The following IRAK2 variants were observed in gnomAD, a reference collection of about 807,000 sequenced individuals.
IRAK2 encodes the protein interleukin 1 receptor associated kinase 2.
IRAK2 carries 57 observed loss-of-function variants against 72.0 expected under a neutral mutation model. That is an observed-to-expected ratio of 0.79 (90% confidence interval 0.64 to 0.99). IRAK2 has a LOEUF of 0.99. Ranked by LOEUF, IRAK2 falls within the 50% of genes least tolerant of loss-of-function variation. The pLI, the probability that IRAK2 is intolerant of heterozygous loss-of-function variation, is 0.00. For synonymous variants in IRAK2, 293 were observed against 312.7 expected, an observed-to-expected ratio of 0.94 and a Z score of 0.67; for missense variants, 790 against 794.4, an observed-to-expected ratio of 0.99 and a Z score of 0.07.
intron 2 of IRAK2, among the ~76,000 whole-genome samples, chr3:10,179,578 T>C (rs1696930522): frequency 6.6e-6 from 1 of 152,006 alleles, no homozygotes. Flanking sequence ...GGACCACAGA[T>C]ACCCACCACC....
intron 1 of IRAK2, among the ~76,000 whole-genome samples, chr3:10,165,537 C>T (rs1351288508): frequency 6.6e-6 from 1 of 151,792 alleles, no homozygotes; most frequent in Non-Finnish European, 1.5e-5. Flanking sequence ...CTGTTGTTGC[C>T]CAGGCTGGAG....
chr3:10,173,417 T>G (rs1696826350), intron 1 of IRAK2, among the ~76,000 whole-genome samples: 1 of 152,214 alleles, frequency 6.6e-6, no homozygotes, highest in Admixed American at 6.5e-5. Context: ...TCCCAAATAT[T>G]CTACGATGAC....
At chr3:10,171,105 C>A (rs73811839) in intron 1 of IRAK2, among the ~76,000 whole-genome samples, 2 of 152,296 alleles carry the variant, frequency 1.3e-5, no homozygotes, top group Middle Eastern at 6.8e-3. Context: ...TTCTTGTCTC[C>A]GTGATGGCAG....
At chr3:10,231,807 G>T (rs953356734) in intron 10 of IRAK2, among the ~76,000 whole-genome samples, 2 of 152,022 alleles carry the variant, frequency 1.3e-5, no homozygotes, top group Non-Finnish European at 2.9e-5. Context: ...GAACCACCAC[G>T]CCCGGGCATG....
intron 1 of IRAK2, among the ~76,000 whole-genome samples, chr3:10,170,816 C>G (rs1420512361): frequency 6.6e-6 from 1 of 152,240 alleles, no homozygotes; most frequent in African/African-American, 2.4e-5. Context: ...TACACTGGAT[C>G]AGAGCCAGCG....
intron 7 of IRAK2, among the ~76,000 whole-genome samples, chr3:10,217,910 G>A (rs981740583): frequency 7.2e-5 from 11 of 152,270 alleles, no homozygotes; most frequent in South Asian, 4.1e-4. Flanking sequence ...CCTCCAGGCC[G>A]TGCCACAACC....
chr3:10,221,248 A>ATTTTT (rs34742796), intron 8 of IRAK2, among the ~76,000 whole-genome samples: 10 of 89,708 alleles, frequency 1.1e-4, no homozygotes, highest in South Asian at 3.9e-4. Flanking sequence ...AAAAAAAAAA[A>ATTTTT]TTTTTTTTTT....
chr3:10,226,439 G>A lies in IRAK2; in HGVS notation c.1272+6G>A, dbSNP rs762060480. ...ACCGAAGCCCGGTTTACCTGGTAAG[G>A]GAACTTGTCACATCTGGCTGGGAGG... On this transcript the variant is annotated splice_donor_region_variant and intron_variant, in intron 10 of 12. Transcript: ENST00000256458. The A allele has an allele frequency of 9.9e-6, 16 of 1,612,218 alleles. No individual in the cohort carries two copies. The highest frequency in any genetic ancestry group is 1.4e-5 in the Non-Finnish European group (16 of 1,179,046).
At chr3:10,185,848 T>C (rs548485535) in intron 2 of IRAK2, among the ~76,000 whole-genome samples, 1 of 151,174 alleles carries the variant, frequency 6.6e-6, no homozygotes, top group South Asian at 2.1e-4. Flanking sequence ...CTGCACTCCA[T>C]CCTGGGCGAC....
intron 10 of IRAK2, among the ~76,000 whole-genome samples, chr3:10,229,544 C>T (rs1243629331): frequency 3.3e-5 from 5 of 152,208 alleles, no homozygotes. Context: ...TTTCTGTCCA[C>T]ATAGCTCTAT....
In IRAK2 at chr3:10,242,328, C is replaced by T. The variant is rs938541899; in HGVS notation, c.*100C>T. ...AGAATCCAAGATCTGCCAGGAAACA[C>T]ACAACAAAACATCTGCTGTCCTGGG... On this transcript the variant is annotated 3_prime_UTR_variant, in exon 13 of 13. Coordinates refer to ENST00000256458, the MANE Select transcript of IRAK2 (RefSeq NM_001570.4). The T allele has an allele frequency of 1.4e-5, 9 of 645,026 alleles. No homozygotes were observed. The African/African-American group carries it at 1.7e-4, about 12-fold the overall frequency. The allele number at this position is 645,026 out of a possible 1,614,324, so 40.0% of individuals were successfully genotyped here. A position where few individuals can be genotyped will look rare whatever the true frequency, so the allele number is the denominator to read the frequency against.
chr3:10,242,231 A>G lies in IRAK2; in HGVS notation c.*3A>G. On this transcript the variant is annotated 3_prime_UTR_variant, in exon 13 of 13. Transcript: ENST00000256458. ...GCATTGAGCTCTTTGGCCCCTGATG[A>G]CCGGAACACAGCTGAGGACCCTTGT... is the stretch of plus-strand genomic sequence containing the variant. 3 of 1,557,780 alleles carry G rather than the reference A, an allele frequency of 1.9e-6. No homozygotes were observed. Among genetic ancestry groups the G allele is most frequent in the Non-Finnish European group, 2.7e-6 (3 of 1,130,038 alleles).
intron 4 of IRAK2, among the ~76,000 whole-genome samples, chr3:10,212,473 C>G (rs985006882): frequency 6.6e-6 from 1 of 152,108 alleles, no homozygotes; most frequent in African/African-American, 2.4e-5. Context: ...AGTATCTATG[C>G]TGTGAATTAG....
At position 10,221,220 on chromosome 3, in the gene IRAK2, G is replaced by A. The variant is rs537905997; in HGVS notation, c.1014-1416G>A. Among the ~76,000 whole-genome samples, 217 of 140,678 alleles carry A rather than the reference G, an allele frequency of 1.5e-3. 1 individual carries two copies. The South Asian group carries it at 0.017, about 11-fold the overall frequency. 92.3% of individuals were successfully genotyped at this position (140,678 alleles called of 152,430 possible). A position where few individuals can be genotyped will look rare whatever the true frequency, so the allele number is the denominator to read the frequency against. On this transcript the variant is annotated intron_variant, in intron 8 of 12. Coordinates refer to ENST00000256458, the MANE Select transcript of IRAK2 (RefSeq NM_001570.4). ...ATCCTGGCTAACACGGTGAAACCTC[G>A]TCTCTACTAAAAATACCAAAAAAAA... is the stretch of plus-strand genomic sequence containing the variant.
intron 2 of IRAK2, among the ~76,000 whole-genome samples, chr3:10,194,234 C>A: frequency 6.6e-6 from 1 of 150,832 alleles, no homozygotes. Flanking sequence ...GAGCTTGGGT[C>A]TGGCTCAAGC....
intron 1 of IRAK2, among the ~76,000 whole-genome samples, chr3:10,172,951 T>C (rs927610063): frequency 4.6e-5 from 7 of 151,528 alleles, no homozygotes; most frequent in Admixed American, 4.6e-4. Context: ...AGTGCTGGGA[T>C]TACAGGCGTG....
chr3:10,171,795 TCA>T, intron 1 of IRAK2, among the ~76,000 whole-genome samples: 1 of 146,568 alleles, frequency 6.8e-6, no homozygotes, highest in African/African-American at 2.5e-5. Flanking sequence ...AGACGGAGTC[TCA>T]CTCTGTTGCC....
At chr3:10,191,119 C>T (rs1697168591) in intron 2 of IRAK2, among the ~76,000 whole-genome samples, 1 of 151,900 alleles carries the variant, frequency 6.6e-6, no homozygotes, top group South Asian at 2.1e-4. Context: ...ATGGTGATAC[C>T]CCGTCTCTAC....
intron 1 of IRAK2, among the ~76,000 whole-genome samples, chr3:10,170,514 C>T (rs757079048): frequency 2.0e-5 from 3 of 152,236 alleles, no homozygotes; most frequent in Admixed American, 6.5e-5. Flanking sequence ...CCCTGTTCCT[C>T]TCTAGCCCAT....
Sources: gnomAD v4.1 joint callset for allele counts (sites outside exome capture counted in the v4.1 genomes callset) on GRCh38, gnomAD v4.1.1 for gene constraint, MANE v1.5 for transcripts, NCBI Gene and HGNC (gene_info 2026-07-23, HGNC 2026-07-21) for gene names.